The following JADE1 variants were observed in gnomAD, a reference collection of about 807,000 sequenced individuals.
JADE1 encodes the protein protein Jade-1.
In JADE1, 14 loss-of-function variants were observed where a neutral mutation model predicts 81.8. The observed-to-expected ratio is 0.17, with a 90% CI of 0.11 to 0.27. The LOEUF (loss-of-function observed/expected upper bound fraction) is 0.27, where lower values mean the gene tolerates loss of function less well. Ranked by LOEUF, JADE1 falls within the 10% of genes least tolerant of loss-of-function variation. The probability of loss-of-function intolerance (pLI) is 1.00; values close to 1 mark genes in which losing one functional copy is unlikely to be tolerated. For synonymous variants in JADE1, 353 were observed against 391.9 expected (o/e 0.90, Z 1.17); for missense variants, 690 against 1,047.9 (o/e 0.66, Z 4.71).
intron 1 of JADE1, among the ~76,000 whole-genome samples, chr4:128,820,762 A>G (rs1727495645): frequency 6.6e-6 from 1 of 152,116 alleles, no homozygotes. Flanking sequence ...AGTTTCTGAC[A>G]ACCGGGTATA....
chr4:128,854,889 A>G (rs920485043), intron 6 of JADE1, among the ~76,000 whole-genome samples: 114 of 152,306 alleles, frequency 7.5e-4, no homozygotes, highest in Middle Eastern at 3.4e-3. Flanking sequence ...TAATTTTGCC[A>G]TCTTGTACAA....
chr4:128,812,438 C>T (rs979560622), intron 1 of JADE1, among the ~76,000 whole-genome samples: 7 of 152,036 alleles, frequency 4.6e-5, no homozygotes, highest in Non-Finnish European at 1.5e-5. Flanking sequence ...TCCCCCACAA[C>T]CCCGGGGTGC....
At position 128,872,863 on chromosome 4, in the gene JADE1, A is replaced by C; in HGVS notation, c.*601A>C. 1 of 453,234 alleles carries C rather than the reference A, an allele frequency of 2.2e-6. No homozygotes were observed. Among genetic ancestry groups the C allele is most frequent in the South Asian group, 1.6e-5 (1 of 64,214 alleles). The allele number at this position is 453,234 out of a possible 1,614,324, so 28.1% of individuals were successfully genotyped here. ...TTTTAAAAAAGGTCATTATTGAAGA[A>C]GCTGAGGGGACAGGGTAGAGCTGCT... On this transcript the variant is annotated 3_prime_UTR_variant, in exon 11 of 11. Transcript: ENST00000226319.
chr4:128,813,381 A>G (rs901423439), intron 1 of JADE1, among the ~76,000 whole-genome samples: 4 of 142,836 alleles, frequency 2.8e-5, no homozygotes, highest in Non-Finnish European at 6.1e-5. Flanking sequence ...TATCCCAAAG[A>G]TCTTAGTCTC....
intron 5 of JADE1, among the ~76,000 whole-genome samples, chr4:128,849,381 G>A (rs973785596): frequency 6.6e-6 from 1 of 152,102 alleles, no homozygotes; most frequent in African/African-American, 2.4e-5. Flanking sequence ...AGGCTCCTCG[G>A]CTCAGGCACC....
At chr4:128,852,799 C>G (rs1270773779) in intron 6 of JADE1, among the ~76,000 whole-genome samples, 1 of 152,142 alleles carries the variant, frequency 6.6e-6, no homozygotes, top group African/African-American at 2.4e-5. Flanking sequence ...TGCAGGAGAG[C>G]CCTTCCTTGC....
rs147912547 is a variant in JADE1, at chr4:128,850,995, A to G, written c.485-1062A>G. Among the ~76,000 whole-genome samples, 236 of 152,202 alleles carry G rather than the reference A, an allele frequency of 1.6e-3. 3 individuals are homozygous for G. The highest frequency in any genetic ancestry group is 0.014 in the East Asian group (72 of 5,180). The stretch of plus-strand genomic sequence containing the variant: ...GCCCATGCTGGAGTGCAGGGGTGCA[A>G]TCTCGGCTGACTGCAACCTCTACCT... On this transcript the variant is annotated intron_variant, in intron 5 of 10. Transcript: ENST00000226319.
At chr4:128,811,372 TAGC>T (rs1726346310) in intron 1 of JADE1, 1 of 151,838 alleles carries the variant, frequency 6.6e-6, no homozygotes, top group Admixed American at 6.6e-5. Flanking sequence ...GGCGTTTAAA[TAGC>T]AGCCTCTCTC....
rs573819432 is a variant in JADE1 at position 128,863,857 on chromosome 4, G to T, written c.1503+1632G>T. 2.2e-3 allele frequency: 2,168 copies of T among 985,424 alleles called. 5 individuals are homozygous for T. The highest frequency in any genetic ancestry group is 2.5e-3 in the Non-Finnish European group (2,079 of 829,924). 61.0% of individuals were successfully genotyped at this position (985,424 alleles called of 1,614,324 possible). On this transcript the variant is annotated intron_variant, in intron 9 of 10. Transcript: ENST00000226319. ...GTCAGATAGTTGTTGGGAGGGGGAG[G>T]ACAAGAAGTCTATTGTTTGGACTGT...
chr4:128,812,780 C>T (rs1560716119), intron 1 of JADE1, among the ~76,000 whole-genome samples: 1 of 152,264 alleles, frequency 6.6e-6, no homozygotes, highest in Non-Finnish European at 1.5e-5. Context: ...AGGGCTGGCG[C>T]CCTGCCTTAC....
chr4:128,809,885 C>CGCGGGCCGCGGGGGGCGCGCGGGGTGG lies in JADE1; in HGVS notation c.-27+12_-27+38dup, dbSNP rs1726178972. On this transcript the variant is annotated intron_variant, in intron 1 of 10. Transcript: ENST00000226319. Reference sequence around the variant, plus strand: ...CGAACCCCTCCGCAGCAGGTACGCGCGCGGGCCGCGGGGGGCGCGCGGGGT... The same window carrying CGCGGGCCGCGGGGGGCGCGCGGGGTGG: ...CGAACCCCTCCGCAGCAGGTACGCGCGCGGGCCGCGGGGGGCGCGCGGGGTGGGCGGGCCGCGGGGGGCGCGCGGGGT... 1 of 148,304 alleles carries CGCGGGCCGCGGGGGGCGCGCGGGGTGG rather than the reference C, an allele frequency of 6.7e-6. No homozygotes were observed. The highest frequency in any genetic ancestry group is 1.5e-5 in the Non-Finnish European group (1 of 66,332). The allele number at this position is 148,304 out of a possible 1,614,324, so 9.2% of individuals were successfully genotyped here.
intron 8 of JADE1, among the ~76,000 whole-genome samples, 200 bp from the exon 9 acceptor site, chr4:128,861,504 A>G (rs1393377110): frequency 6.6e-6 from 1 of 152,222 alleles, no homozygotes; most frequent in African/African-American, 2.4e-5. Context: ...ATCTCTATAA[A>G]AAAAATTCCA....
At chr4:128,812,260 CT>C (rs1003933812) in intron 1 of JADE1, among the ~76,000 whole-genome samples, 3 of 152,054 alleles carry the variant, frequency 2.0e-5, no homozygotes, top group Non-Finnish European at 4.4e-5. Flanking sequence ...CCGGGAGTTA[CT>C]TTCCCCTCCT....
intron 5 of JADE1, among the ~76,000 whole-genome samples, chr4:128,851,778 C>T (rs536029418): frequency 2.6e-5 from 4 of 152,256 alleles, no homozygotes; most frequent in Non-Finnish European, 4.4e-5. Flanking sequence ...GTTCTCCCAC[C>T]GCAGGCTCTT....
intron 1 of JADE1, chr4:128,810,398 A>G (rs1485794940): frequency 1.3e-5 from 2 of 149,752 alleles, no homozygotes; most frequent in African/African-American, 2.4e-5. Context: ...TGAATCATCA[A>G]TTAAACGCGT....
At chr4:128,867,548 G>A (rs145685243) in intron 9 of JADE1, among the ~76,000 whole-genome samples, 202 of 152,336 alleles carry the variant, frequency 1.3e-3, no homozygotes, top group Middle Eastern at 0.01. Context: ...CCTCTGTGCC[G>A]GGATGGGTTA....
chr4:128,831,898 G>A lies in JADE1; in HGVS notation c.52+88G>A. ...TTTTAATGTAATGCTTTAAATTGCT[G>A]AGGCCCTTTGCATGTCAGGCAGGTC... On this transcript the variant is annotated intron_variant, in intron 2 of 10. Transcript: ENST00000226319. 4 of 1,187,202 alleles carry A rather than the reference G, an allele frequency of 3.4e-6. No homozygotes were observed. In the South Asian group the frequency reaches 3.7e-5, roughly 11 times the overall value. The allele number at this position is 1,187,202 out of a possible 1,614,324, so 73.5% of individuals were successfully genotyped here.
chr4:128,849,320 C>G (rs1730144367), intron 5 of JADE1, among the ~76,000 whole-genome samples, 153 bp downstream of exon 5: 1 of 152,218 alleles, frequency 6.6e-6, no homozygotes, highest in Non-Finnish European at 1.5e-5. Context: ...CCTTAGATCT[C>G]AGCCTGTTTG....
chr4:128,832,658 C>T (rs1728651258), intron 2 of JADE1, among the ~76,000 whole-genome samples: 1 of 152,184 alleles, frequency 6.6e-6, no homozygotes, highest in Non-Finnish European at 1.5e-5. Context: ...CTTTTTGATG[C>T]ACTGTGGAAA....
Sources: allele counts gnomAD v4.1 joint callset (sites outside exome capture counted in the v4.1 genomes callset), GRCh38; gene constraint gnomAD v4.1.1; transcripts MANE v1.5; gene names NCBI Gene and HGNC (gene_info 2026-07-23, HGNC 2026-07-21).